Variants in ROBO2 observed in about 807,000 individuals in gnomAD.
ROBO2 encodes roundabout homolog 2.
In ROBO2, 53 loss-of-function variants were observed where a neutral mutation model predicts 160.8. The ratio of observed to expected loss-of-function variants is 0.33; its 90% confidence interval spans 0.26 to 0.41. The LOEUF (loss-of-function observed/expected upper bound fraction) is 0.41, where lower values mean the gene tolerates loss of function less well. Ranked by LOEUF, ROBO2 falls within the 10% of genes least tolerant of loss-of-function variation. The probability of loss-of-function intolerance (pLI) is 1.00; values close to 1 mark genes in which losing one functional copy is unlikely to be tolerated. For missense variants in ROBO2, 1,577 were observed against 1,722.4 expected (o/e 0.92, Z 1.49); for synonymous variants, 664 against 611.7 (o/e 1.09, Z -1.26).
intron 2 of ROBO2, among the ~76,000 whole-genome samples, chr3:77,026,680 C>A (rs751648454): frequency 6.6e-6 from 1 of 152,110 alleles, no homozygotes; most frequent in Non-Finnish European, 1.5e-5. Flanking sequence ...CTTTAGAAGT[C>A]ACTATTTCAT....
chr3:77,039,155 T>C (rs1256097066), upstream of ROBO2, among the ~76,000 whole-genome samples: 1 of 152,222 alleles, frequency 6.6e-6, no homozygotes, highest in Non-Finnish European at 1.5e-5. Context: ...TTGGCTAAAA[T>C]GAGCCGCTGG....
chr3:76,080,848 C>A (rs890112006), intron 2 of ROBO2, among the ~76,000 whole-genome samples: 1 of 152,054 alleles, frequency 6.6e-6, no homozygotes, highest in African/African-American at 2.4e-5. Flanking sequence ...CTGCAATTAC[C>A]ATATTTAAAG....
At chr3:77,005,462 A>G (rs2061534288) in intron 2 of ROBO2, among the ~76,000 whole-genome samples, 1 of 152,230 alleles carries the variant, frequency 6.6e-6, no homozygotes, top group Non-Finnish European at 1.5e-5. Flanking sequence ...AAGACAGATC[A>G]TCGTTCAGTT....
At chr3:76,935,509 T>A (rs768132538) in intron 2 of ROBO2, among the ~76,000 whole-genome samples, 31 of 152,342 alleles carry the variant, frequency 2.0e-4, no homozygotes, top group Non-Finnish European at 3.7e-4. Context: ...TGTCTTTTGC[T>A]TTTGGAGTAC....
chr3:77,553,294 G>A (rs912700232), intron 8 of ROBO2, among the ~76,000 whole-genome samples: 1 of 151,882 alleles, frequency 6.6e-6, no homozygotes, highest in Non-Finnish European at 1.5e-5. Context: ...ACTGGTAAAT[G>A]TGTGTGCTCT....
At chr3:77,421,713 T>C (rs897226324) in intron 2 of ROBO2, among the ~76,000 whole-genome samples, 5 of 152,008 alleles carry the variant, frequency 3.3e-5, no homozygotes, top group African/African-American at 1.2e-4. Context: ...TTGAAGTAGA[T>C]TTTGAAAAAG....
chr3:77,382,174 G>T (rs1476445578), intron 2 of ROBO2, among the ~76,000 whole-genome samples: 1 of 152,110 alleles, frequency 6.6e-6, no homozygotes, highest in Non-Finnish European at 1.5e-5. Context: ...TGCCCATTGA[G>T]TAAAATGTTC....
chr3:76,791,880 A>G (rs1433472007), intron 2 of ROBO2, among the ~76,000 whole-genome samples: 2 of 151,836 alleles, frequency 1.3e-5, no homozygotes, highest in African/African-American at 4.8e-5. Flanking sequence ...AATACAGTAT[A>G]ACAGCTATTT....
intron 2 of ROBO2, among the ~76,000 whole-genome samples, chr3:76,443,630 A>G (rs17014189): frequency 0.055 from 8,390 of 152,260 alleles, 241 homozygotes; most frequent in Middle Eastern, 0.099. Context: ...GGTAATCACT[A>G]GAAAAGTTAA....
At chr3:76,452,192 T>C (rs1323809584) in intron 2 of ROBO2, among the ~76,000 whole-genome samples, 1 of 152,146 alleles carries the variant, frequency 6.6e-6, no homozygotes, top group Non-Finnish European at 1.5e-5. Flanking sequence ...TTATTATTAT[T>C]ATACTTTAAG....
intron 1 of ROBO2, among the ~76,000 whole-genome samples, chr3:77,078,006 A>G (rs373365145): frequency 6.6e-6 from 1 of 152,134 alleles, no homozygotes; most frequent in Non-Finnish European, 1.5e-5. Context: ...ACACACAGTA[A>G]CTTTGTTTCA....
intron 5 of ROBO2, among the ~76,000 whole-genome samples, chr3:77,519,800 A>G (rs78951956): frequency 6.6e-6 from 1 of 151,332 alleles, no homozygotes; most frequent in African/African-American, 2.4e-5. Flanking sequence ...ATACACGGTA[A>G]TTGGATTGCT....
intron 2 of ROBO2, among the ~76,000 whole-genome samples, chr3:76,190,184 G>A (rs1373965627): frequency 6.6e-6 from 1 of 151,636 alleles, no homozygotes; most frequent in African/African-American, 2.4e-5. Context: ...TTCATTTCTT[G>A]GGTTTTTAAA....
intron 2 of ROBO2, among the ~76,000 whole-genome samples, chr3:76,377,669 T>G (rs1260525410): frequency 6.6e-6 from 1 of 152,212 alleles, no homozygotes; most frequent in Non-Finnish European, 1.5e-5. Flanking sequence ...CCAAAGTTCA[T>G]AGATGTTTAC....
intron 23 of ROBO2, among the ~76,000 whole-genome samples, chr3:77,625,916 A>G (rs2095012837): frequency 6.6e-6 from 1 of 152,176 alleles, no homozygotes; most frequent in Non-Finnish European, 1.5e-5. Context: ...TTTGATCCTC[A>G]CAACCCTATT....
At chr3:76,880,877 T>C (rs1290896917) in intron 2 of ROBO2, among the ~76,000 whole-genome samples, 1 of 152,218 alleles carries the variant, frequency 6.6e-6, no homozygotes, top group Non-Finnish European at 1.5e-5. Flanking sequence ...ACACGGACTA[T>C]TTTAAGATAG....
intron 1 of ROBO2, among the ~76,000 whole-genome samples, chr3:77,067,180 A>G (rs536012557): frequency 6.6e-6 from 1 of 152,232 alleles, no homozygotes; most frequent in Admixed American, 6.6e-5. Flanking sequence ...TATTGGATTT[A>G]TCAAAGCTTC....
At chr3:77,231,596 C>G (rs2087221158) in intron 2 of ROBO2, among the ~76,000 whole-genome samples, 1 of 149,780 alleles carries the variant, frequency 6.7e-6, no homozygotes, top group Admixed American at 6.8e-5. Context: ...TCTTTTTTCA[C>G]CTGTAAGTTC....
chr3:77,053,401 G>T (rs531453902), intron 1 of ROBO2, among the ~76,000 whole-genome samples: 1 of 152,148 alleles, frequency 6.6e-6, no homozygotes, highest in East Asian at 1.9e-4. Context: ...CATTCCAAAG[G>T]CTTTACTTTC....
Sources: allele counts gnomAD v4.1 joint callset (sites outside exome capture counted in the v4.1 genomes callset), GRCh38; gene constraint gnomAD v4.1.1; transcripts MANE v1.5; gene names NCBI Gene and HGNC (gene_info 2026-07-23, HGNC 2026-07-21).